TNFRSF21: variants seen among roughly 807,000 people sequenced by gnomAD.
TNFRSF21 encodes tumor necrosis factor receptor superfamily member 21.
Under a neutral mutation model 45.6 loss-of-function variants are expected in TNFRSF21, and 19 were observed. That is an observed-to-expected ratio of 0.42 (90% confidence interval 0.29 to 0.61). The LOEUF (loss-of-function observed/expected upper bound fraction) is 0.61. TNFRSF21 is among the 20% of genes least tolerant of loss of function. TNFRSF21 has a pLI of 0.23. For synonymous variants in TNFRSF21, 314 were observed against 335.5 expected, an observed-to-expected ratio of 0.94 and a Z score of 0.70; for missense variants, 737 against 851.5, an observed-to-expected ratio of 0.87 and a Z score of 1.67.
At chr6:47,281,385 T>A (rs1245742012) in intron 3 of TNFRSF21, among the ~76,000 whole-genome samples, 6 of 141,968 alleles carry the variant, frequency 4.2e-5, no homozygotes, top group African/African-American at 1.6e-4. Flanking sequence ...CTATATGTGA[T>A]TTTTTTTTTT....
chr6:47,273,703 G>A (rs535809108), intron 3 of TNFRSF21, among the ~76,000 whole-genome samples: 10 of 152,262 alleles, frequency 6.6e-5, no homozygotes, highest in South Asian at 2.1e-4. Context: ...ATTCAATTAC[G>A]AAATGAGGAA....
At chr6:47,302,507 A>C (rs1243569736) in intron 1 of TNFRSF21, among the ~76,000 whole-genome samples, 6 of 152,204 alleles carry the variant, frequency 3.9e-5, no homozygotes, top group African/African-American at 1.4e-4. Context: ...ATAACATTTC[A>C]ATTTGCAGGA....
intron 1 of TNFRSF21, among the ~76,000 whole-genome samples, chr6:47,304,140 G>A (rs910512706): frequency 2.0e-5 from 3 of 152,094 alleles, no homozygotes; most frequent in East Asian, 1.9e-4. Flanking sequence ...TGGCATCACC[G>A]GAATTTGCCA....
intron 3 of TNFRSF21, among the ~76,000 whole-genome samples, chr6:47,264,352 AC>A (rs1190837581): frequency 1.3e-5 from 2 of 152,144 alleles, no homozygotes; most frequent in African/African-American, 4.8e-5. Flanking sequence ...ACATGGCGAA[AC>A]CCTGTCTCTA....
chr6:47,236,486 T>C (rs1320229743), intron 4 of TNFRSF21, among the ~76,000 whole-genome samples: 1 of 152,256 alleles, frequency 6.6e-6, no homozygotes, highest in Non-Finnish European at 1.5e-5. Context: ...ACACAACTGC[T>C]TCTTTTACAA....
chr6:47,287,326 A>AAAAAAAAAGAAAAG (rs1561950378), intron 1 of TNFRSF21, among the ~76,000 whole-genome samples: 23 of 150,066 alleles, frequency 1.5e-4, no homozygotes, highest in African/African-American at 5.2e-4. Context: ...AAAAAAAAAA[A>AAAAAAAAAGAAAAG]AAAAAAAAGA....
At chr6:47,241,481 A>T (rs1022457285) in intron 4 of TNFRSF21, among the ~76,000 whole-genome samples, 2 of 151,176 alleles carry the variant, frequency 1.3e-5, no homozygotes, top group African/African-American at 2.4e-5. Flanking sequence ...AATGTACCCA[A>T]TTTTTTTTTT....
At chr6:47,275,522 G>A (rs1416782818) in intron 3 of TNFRSF21, among the ~76,000 whole-genome samples, 2 of 152,102 alleles carry the variant, frequency 1.3e-5, no homozygotes, top group South Asian at 2.1e-4. Context: ...CGGACTCGGG[G>A]AAGGATAGCA....
At chr6:47,307,932 C>G (rs1174866660) in intron 1 of TNFRSF21, among the ~76,000 whole-genome samples, 1 of 152,150 alleles carries the variant, frequency 6.6e-6, no homozygotes, top group Non-Finnish European at 1.5e-5. Flanking sequence ...TGATAGTTCT[C>G]ACTCCACTGA....
chr6:47,241,743 T>A (rs1679026347), intron 4 of TNFRSF21, among the ~76,000 whole-genome samples: 1 of 152,206 alleles, frequency 6.6e-6, no homozygotes, highest in African/African-American at 2.4e-5. Flanking sequence ...AACATTATTT[T>A]AAAAAATTAA....
intron 4 of TNFRSF21, among the ~76,000 whole-genome samples, chr6:47,252,488 G>A (rs9473038): frequency 0.064 from 9,800 of 152,230 alleles, 463 homozygotes; most frequent in African/African-American, 0.13. Context: ...GTTACATCAT[G>A]GTCGTAACTA....
intron 1 of TNFRSF21, among the ~76,000 whole-genome samples, chr6:47,302,460 C>G (rs959477713): frequency 4.6e-5 from 7 of 152,092 alleles, no homozygotes; most frequent in African/African-American, 1.7e-4. Context: ...TCAAAATGAC[C>G]CAAGTAGCAG....
At chr6:47,272,412 A>T (rs985316733) in intron 3 of TNFRSF21, among the ~76,000 whole-genome samples, 2 of 152,228 alleles carry the variant, frequency 1.3e-5, no homozygotes, top group African/African-American at 4.8e-5. Flanking sequence ...CCCCTGAATG[A>T]CTACTGGGTA....
At chr6:47,237,801 G>C (rs1330109765) in intron 4 of TNFRSF21, among the ~76,000 whole-genome samples, 17 of 152,008 alleles carry the variant, frequency 1.1e-4, no homozygotes, top group Non-Finnish European at 2.9e-5. Flanking sequence ...TATAATACTA[G>C]CACTTTGGGA....
At chr6:47,257,916 C>T (rs1765012266) in intron 3 of TNFRSF21, among the ~76,000 whole-genome samples, 1 of 152,108 alleles carries the variant, frequency 6.6e-6, no homozygotes, top group African/African-American at 2.4e-5. Context: ...AGTGATGCCT[C>T]AATTGTGGTT....
At chr6:47,268,284 C>A (rs1762363158) in intron 3 of TNFRSF21, among the ~76,000 whole-genome samples, 2 of 152,144 alleles carry the variant, frequency 1.3e-5, no homozygotes. Flanking sequence ...TACATAAATT[C>A]CATAGAACAG....
chr6:47,309,388 G>A (rs780094989), intron 1 of TNFRSF21, 28 bp downstream of exon 1: 17 of 1,518,550 alleles, frequency 1.1e-5, no homozygotes, highest in African/African-American at 1.4e-5. Flanking sequence ...CGGCGCCGCC[G>A]CCACCCCCGG....
intron 4 of TNFRSF21, among the ~76,000 whole-genome samples, chr6:47,245,533 T>C (rs1057003704): frequency 1.3e-5 from 2 of 151,930 alleles, no homozygotes; most frequent in African/African-American, 4.8e-5. Flanking sequence ...TTCCTAGACT[T>C]TTCTCCTTAC....
In TNFRSF21 at chr6:47,232,709, A is replaced by T. The variant is rs1194461457; in HGVS notation, c.*56T>A. ...CAAAAATCAGAAACAGAAGAAAATT[A>T]AAAAACCACCCTGCCACTAAATTGA... is the stretch of plus-strand genomic sequence containing the variant. On this transcript the variant is annotated 3_prime_UTR_variant, in exon 6 of 6. Transcript: ENST00000296861. 43 of 1,552,242 alleles carry T rather than the reference A, an allele frequency of 2.8e-5. No individual in the cohort carries two copies. The highest frequency in any genetic ancestry group is 1.2e-4 in the Admixed American group (7 of 57,164).
Sources: gnomAD v4.1 joint callset for allele counts (sites outside exome capture counted in the v4.1 genomes callset) on GRCh38, gnomAD v4.1.1 for gene constraint, MANE v1.5 for transcripts, NCBI Gene and HGNC (gene_info 2026-07-23, HGNC 2026-07-21) for gene names.